FNDC3B: variants seen among roughly 807,000 people sequenced by gnomAD.
FNDC3B encodes the protein fibronectin type III domain-containing protein 3B.
In FNDC3B, 12 loss-of-function variants were observed where a neutral mutation model predicts 151.5. The ratio of observed to expected loss-of-function variants is 0.08; its 90% CI spans 0.05 to 0.13. The LOEUF (loss-of-function observed/expected upper bound fraction) is 0.13. FNDC3B is among the 10% of genes least tolerant of loss of function. The probability of loss-of-function intolerance (pLI) is 1.00; values close to 1 mark genes in which losing one functional copy is unlikely to be tolerated. For synonymous variants in FNDC3B, 528 were observed against 549.0 expected, an observed-to-expected ratio of 0.96 and a Z score of 0.54; for missense variants, 1,214 against 1,505.3, an observed-to-expected ratio of 0.81 and a Z score of 3.20.
chr3:172,066,198 T>C (rs369040534), intron 1 of FNDC3B, among the ~76,000 whole-genome samples: 3 of 152,182 alleles, frequency 2.0e-5, no homozygotes, highest in African/African-American at 7.2e-5. Flanking sequence ...CTGTGGTTGC[T>C]AGGGGTAATG....
At chr3:172,383,260 G>T (rs987646683) in intron 25 of FNDC3B, among the ~76,000 whole-genome samples, 2 of 152,062 alleles carry the variant, frequency 1.3e-5, no homozygotes, top group Non-Finnish European at 1.5e-5. Flanking sequence ...TCATGATTTG[G>T]CTGTTTGTCT....
intron 3 of FNDC3B, among the ~76,000 whole-genome samples, chr3:172,175,584 T>G (rs1456943971): frequency 1.3e-5 from 2 of 152,230 alleles, no homozygotes; most frequent in African/African-American, 4.8e-5. Context: ...TTTAATTTCT[T>G]GAGTTCTTTT....
intron 9 of FNDC3B, 160 bp from the exon 10 acceptor site, chr3:172,307,203 C>T (rs1731241143): frequency 1.5e-6 from 1 of 687,720 alleles, no homozygotes; most frequent in South Asian, 1.9e-5. Flanking sequence ...TTAATGCTAA[C>T]CATAGGTCAG....
intron 3 of FNDC3B, among the ~76,000 whole-genome samples, chr3:172,174,095 G>A (rs915815216): frequency 6.6e-6 from 1 of 152,130 alleles, no homozygotes. Flanking sequence ...TGTGGTGGGG[G>A]CTGTGAAGAC....
intron 16 of FNDC3B, among the ~76,000 whole-genome samples, chr3:172,339,652 A>G (rs1344090649): frequency 6.6e-6 from 1 of 152,248 alleles, no homozygotes; most frequent in Admixed American, 6.5e-5. Flanking sequence ...GAAGTCATGT[A>G]TATGCCAGTG....
In FNDC3B at chr3:172,191,682, A is replaced by G. The variant is rs568871042; in HGVS notation, c.188-35189A>G. Among the ~76,000 whole-genome samples the G allele has an allele frequency of 1.6e-4, 25 of 152,132 alleles. No homozygotes were observed. The South Asian group carries it at 4.8e-3, about 29-fold the overall frequency. ...TGGCTAATTTTTAAATTTTTTGTAG[A>G]GATGGGGTCTCACTGTGTTCCCTGG... On this transcript the variant is annotated intron_variant, in intron 3 of 25. Coordinates refer to ENST00000415807, the MANE Select transcript of FNDC3B (RefSeq NM_022763.4).
In FNDC3B at chr3:172,333,202, C is replaced by T. The variant is rs148713803; in HGVS notation, c.1641+27C>T. ...TGAGTCAGTCATTTTGCTACCTGAACTGCTTAAAAATGAAACTGTTTTCTA... is the reference window on the plus strand; with the variant it reads ...TGAGTCAGTCATTTTGCTACCTGAATTGCTTAAAAATGAAACTGTTTTCTA... On this transcript the variant is annotated intron_variant, in intron 14 of 25. Coordinates refer to ENST00000415807, the MANE Select transcript of FNDC3B (RefSeq NM_022763.4). 4,683 of 1,370,270 alleles carry T rather than the reference C, an allele frequency of 3.4e-3. 9 individuals carry two copies. The highest frequency in any genetic ancestry group is 4.1e-3 in the Non-Finnish European group (3,889 of 958,490). 84.9% of individuals were successfully genotyped at this position (1,370,270 alleles called of 1,614,324 possible).
At chr3:172,328,663 T>C (rs1732476374) in intron 11 of FNDC3B, among the ~76,000 whole-genome samples, 3 of 152,184 alleles carry the variant, frequency 2.0e-5, no homozygotes, top group Non-Finnish European at 4.4e-5. Flanking sequence ...GTCTTGTGCC[T>C]GAAAGGACCT....
chr3:172,048,821 T>A (rs1297225717), intron 1 of FNDC3B, among the ~76,000 whole-genome samples: 2 of 152,126 alleles, frequency 1.3e-5, no homozygotes, highest in Admixed American at 6.5e-5. Flanking sequence ...CATGAATGAA[T>A]CTTGAAAACA....
intron 14 of FNDC3B, 27 bp from the exon 15 acceptor site, chr3:172,334,917 G>A (rs1364752670): frequency 1.2e-6 from 2 of 1,602,336 alleles, no homozygotes; most frequent in South Asian, 2.2e-5. Context: ...ACTAAATCAT[G>A]TTAACGTTTC....
At chr3:172,366,264 T>G (rs1692467002) in intron 23 of FNDC3B, among the ~76,000 whole-genome samples, 1 of 152,196 alleles carries the variant, frequency 6.6e-6, no homozygotes, top group South Asian at 2.1e-4. Flanking sequence ...CAAAAATGTT[T>G]TTAACATTCT....
intron 3 of FNDC3B, among the ~76,000 whole-genome samples, chr3:172,206,815 T>C (rs1725459416): frequency 6.6e-6 from 1 of 152,162 alleles, no homozygotes; most frequent in African/African-American, 2.4e-5. Context: ...TTGCACATTG[T>C]ATTGACCACA....
At chr3:172,136,347 TTG>T (rs1721364984) in intron 3 of FNDC3B, among the ~76,000 whole-genome samples, 1 of 152,176 alleles carries the variant, frequency 6.6e-6, no homozygotes, top group South Asian at 2.1e-4. Context: ...GATCTACTGG[TTG>T]AGCAGTGACT....
chr3:172,139,002 G>A (rs1281921159), intron 3 of FNDC3B, among the ~76,000 whole-genome samples: 1 of 152,178 alleles, frequency 6.6e-6, no homozygotes, highest in Non-Finnish European at 1.5e-5. Context: ...TGAACATCAT[G>A]CTCTGCCCAG....
intron 25 of FNDC3B, among the ~76,000 whole-genome samples, chr3:172,390,143 A>G (rs533219078): frequency 5.4e-4 from 82 of 152,366 alleles, no homozygotes; most frequent in African/African-American, 1.8e-3. Context: ...CTGTGGAGAT[A>G]TGGAAATAAT....
At chr3:172,391,483 C>T (rs1736005105) in intron 25 of FNDC3B, among the ~76,000 whole-genome samples, 1 of 152,192 alleles carries the variant, frequency 6.6e-6, no homozygotes, top group African/African-American at 2.4e-5. Flanking sequence ...GAAAAGTCTG[C>T]TTAATGCTTC....
At chr3:172,121,917 A>G (rs1439510004) in intron 2 of FNDC3B, among the ~76,000 whole-genome samples, 2 of 152,184 alleles carry the variant, frequency 1.3e-5, no homozygotes, top group African/African-American at 4.8e-5. Context: ...AATTGGATAG[A>G]TTTCCAAACT....
intron 2 of FNDC3B, among the ~76,000 whole-genome samples, chr3:172,132,887 A>G (rs2108572657): frequency 6.6e-6 from 1 of 152,332 alleles, no homozygotes; most frequent in South Asian, 2.1e-4. Context: ...ATTTATGTTC[A>G]TATAAGTAAA....
At chr3:172,223,194 G>T (rs1726377757) in intron 3 of FNDC3B, among the ~76,000 whole-genome samples, 1 of 152,214 alleles carries the variant, frequency 6.6e-6, no homozygotes, top group Admixed American at 6.5e-5. Context: ...TAAACTCACA[G>T]ATTGGGAAAT....
Sources: gnomAD v4.1 joint callset for allele counts (sites outside exome capture counted in the v4.1 genomes callset) on GRCh38, gnomAD v4.1.1 for gene constraint, MANE v1.5 for transcripts, NCBI Gene and HGNC (gene_info 2026-07-23, HGNC 2026-07-21) for gene names.